KIRREL1: variants seen among roughly 807,000 people sequenced by gnomAD.
The protein encoded by KIRREL1 is kirre like nephrin family adhesion molecule 1.
Under a neutral mutation model 83.3 loss-of-function variants are expected in KIRREL1, and 25 were observed. The ratio of observed to expected loss-of-function variants is 0.30; its 90% CI spans 0.22 to 0.42. The LOEUF is 0.42. KIRREL1 is among the 10% of genes least tolerant of loss of function. The probability of loss-of-function intolerance (pLI) is 1.00; values close to 1 mark genes in which losing one functional copy is unlikely to be tolerated. For synonymous variants in KIRREL1, 388 were observed against 410.4 expected (o/e 0.95, Z 0.66); for missense variants, 812 against 1,032.3 (o/e 0.79, Z 2.92).
intron 4 of KIRREL1, among the ~76,000 whole-genome samples, chr1:158,085,734 C>T (rs1404434921): frequency 6.6e-6 from 1 of 152,162 alleles, no homozygotes; most frequent in Non-Finnish European, 1.5e-5. Flanking sequence ...AATATGGCTT[C>T]CCTCAGGCAG....
rs1662294293 is a variant in KIRREL1 at position 158,094,399 on chromosome 1, G to A, written c.1797+9G>A. 9 of 1,611,938 alleles carry A rather than the reference G, an allele frequency of 5.6e-6. No homozygotes were observed. The highest frequency in any genetic ancestry group is 1.3e-5 in the African/African-American group (1 of 74,922). On this transcript the variant is annotated intron_variant, in intron 14 of 14. Coordinates refer to ENST00000359209, the MANE Select transcript of KIRREL1 (RefSeq NM_018240.7). This position sits in a 1 kb window ranked among gnomAD's most constrained non-coding sequence, Gnocchi z 4.6. ...AGGAGTATGAGATGAAGGTGGGAAA[G>A]GGGGAAGGGGCCAGGGCATGAGGGC...
chr1:158,016,386 A>G (rs1228337594), intron 1 of KIRREL1, among the ~76,000 whole-genome samples: 1 of 152,188 alleles, frequency 6.6e-6, no homozygotes, highest in Non-Finnish European at 1.5e-5. Flanking sequence ...TCTTTATTTT[A>G]GAGATGTTGC....
At chr1:158,047,426 T>C (rs1026978396) in intron 1 of KIRREL1, among the ~76,000 whole-genome samples, 6 of 152,206 alleles carry the variant, frequency 3.9e-5, no homozygotes, top group African/African-American at 1.4e-4. Context: ...GAAGTCATCA[T>C]TGTTGGCTGA....
intron 4 of KIRREL1, among the ~76,000 whole-genome samples, chr1:158,085,410 C>G (rs193254452): frequency 6.6e-6 from 1 of 152,204 alleles, no homozygotes; most frequent in Admixed American, 6.5e-5. Context: ...TTGGATAATT[C>G]GCTTCACTTT....
intron 1 of KIRREL1, among the ~76,000 whole-genome samples, chr1:158,051,067 C>T (rs974656859): frequency 3.3e-5 from 5 of 152,192 alleles, no homozygotes; most frequent in Admixed American, 6.5e-5. Flanking sequence ...TTGCTCAGAA[C>T]GAAGTTCCCC....
chr1:158,076,754 A>T (rs1235129416), intron 2 of KIRREL1, among the ~76,000 whole-genome samples: 1 of 152,266 alleles, frequency 6.6e-6, no homozygotes, highest in Admixed American at 6.5e-5. Flanking sequence ...TATCAGCCTG[A>T]GCATTCATTT....
intron 1 of KIRREL1, among the ~76,000 whole-genome samples, chr1:158,052,411 T>G (rs1660931140): frequency 6.6e-6 from 1 of 152,188 alleles, no homozygotes; most frequent in South Asian, 2.1e-4. Context: ...GCTTCCTTAC[T>G]TTTATCATTG....
chr1:158,072,341 C>G (rs1208218803), intron 1 of KIRREL1, among the ~76,000 whole-genome samples: 1 of 152,140 alleles, frequency 6.6e-6, no homozygotes, highest in Non-Finnish European at 1.5e-5. Flanking sequence ...CTCCCTCAGT[C>G]AACAGACATA....
intron 1 of KIRREL1, among the ~76,000 whole-genome samples, chr1:158,013,155 T>TA (rs1292809379): frequency 1.3e-5 from 2 of 152,218 alleles, no homozygotes; most frequent in African/African-American, 4.8e-5. Flanking sequence ...ATTTCTCCCT[T>TA]TATCCCATAC....
intron 1 of KIRREL1, among the ~76,000 whole-genome samples, chr1:158,003,526 T>TG (rs1659426603): frequency 6.6e-6 from 1 of 152,110 alleles, no homozygotes; most frequent in African/African-American, 2.4e-5. Flanking sequence ...TGGGATGGGA[T>TG]GGGGGACTCC....
At chr1:158,076,707 A>G (rs1570983041) in intron 2 of KIRREL1, among the ~76,000 whole-genome samples, 1 of 152,216 alleles carries the variant, frequency 6.6e-6, no homozygotes. Context: ...CCCGCTGCCC[A>G]GGCGATGTCT....
rs925315995 is a variant in KIRREL1, at chr1:158,064,784, A to T, written c.53-11329A>T. Among the ~76,000 whole-genome samples the T allele has an allele frequency of 9.9e-5, 15 of 152,066 alleles. 1 individual carries two copies. Among genetic ancestry groups the T allele is most frequent in the African/African-American group, 3.6e-4 (15 of 41,398 alleles). ...CAGCCTTTCTTAGAGGCACTAGTGG[A>T]GAGCCAGGGAGGGTTGATGTCTACA... On this transcript the variant is annotated intron_variant, in intron 1 of 14. Coordinates refer to ENST00000359209, the MANE Select transcript of KIRREL1 (RefSeq NM_018240.7).
intron 11 of KIRREL1, 85 bp from the exon 12 acceptor site, chr1:158,093,254 T>C (rs953181769): frequency 2.0e-5 from 23 of 1,127,850 alleles, no homozygotes; most frequent in Non-Finnish European, 3.0e-5. Flanking sequence ...CCTCTGTGGC[T>C]GTGGCCTAGC....
At position 158,050,435 on chromosome 1, in the gene KIRREL1, A is replaced by C. The variant is rs548965305; in HGVS notation, c.53-25678A>C. Among the ~76,000 whole-genome samples, 5 of 152,176 alleles carry C rather than the reference A, an allele frequency of 3.3e-5. No individual in the cohort carries two copies. The East Asian group carries it at 7.8e-4, about 24-fold the overall frequency. On this transcript the variant is annotated intron_variant, in intron 1 of 14. Coordinates refer to ENST00000359209, the MANE Select transcript of KIRREL1 (RefSeq NM_018240.7). ...TTGTAACTCTGGTCTCTGTGGACTT[A>C]TAATGAGGTGCTATTTTCACTCCCC... is the stretch of plus-strand genomic sequence containing the variant.
chr1:158,089,933 C>A, intron 10 of KIRREL1, 115 bp downstream of exon 10: 1 of 815,194 alleles, frequency 1.2e-6, no homozygotes, highest in Non-Finnish European at 2.0e-6. Flanking sequence ...CGTTTCCATC[C>A]TCGAATCTTC....
intron 1 of KIRREL1, among the ~76,000 whole-genome samples, chr1:158,007,776 G>A (rs1659561142): frequency 6.6e-6 from 1 of 151,946 alleles, no homozygotes; most frequent in African/African-American, 2.4e-5. Flanking sequence ...TCCTGGAAGT[G>A]CAGCTAGCCC....
chr1:158,022,321 T>G (rs1338901987), intron 1 of KIRREL1, among the ~76,000 whole-genome samples: 1 of 152,210 alleles, frequency 6.6e-6, no homozygotes, highest in African/African-American at 2.4e-5. Context: ...ATTTAACTTG[T>G]GCTAAACACC....
Position 158,093,690 on chromosome 1 carries a change from G to A in KIRREL1, c.1647G>A (p.Thr549=), listed in dbSNP as rs1018765398. 4 of 1,614,166 alleles carry A rather than the reference G, an allele frequency of 2.5e-6. No homozygotes were observed. The highest frequency in any genetic ancestry group is 2.2e-5 in the South Asian group (2 of 91,064). ...AGACAGTGAACCGAGAGCCACTTAC[G>A]ATGCATTCTGACCGGGAGGATGACA... is the stretch of plus-strand genomic sequence containing the variant. ...KVETVNREPL[T]MHSDREDDTA... Residue 549 remains threonine, a synonymous_variant, in exon 13 of 15, where the codon ACG becomes ACA. Transcript: ENST00000359209.
At chr1:158,002,987 G>T (rs1298547003) in intron 1 of KIRREL1, among the ~76,000 whole-genome samples, 1 of 152,140 alleles carries the variant, frequency 6.6e-6, no homozygotes, top group Non-Finnish European at 1.5e-5. Context: ...AACCTCTTGT[G>T]TCCAGTTCCG....
Sources: allele counts gnomAD v4.1 joint callset (sites outside exome capture counted in the v4.1 genomes callset), GRCh38; gene constraint gnomAD v4.1.1; non-coding constraint Gnocchi (gnomAD v3.1); transcripts MANE v1.5; gene names NCBI Gene and HGNC (gene_info 2026-07-23, HGNC 2026-07-21).